DNAH11: variants seen among roughly 807,000 people sequenced by gnomAD.
The protein encoded by DNAH11 is axonemal beta dynein heavy chain 11.
A neutral mutation model predicts 526.0 loss-of-function variants in DNAH11; 442 were observed. The observed-to-expected ratio is 0.84, with a 90% CI of 0.78 to 0.91. The LOEUF (loss-of-function observed/expected upper bound fraction) is 0.91. Among genes scored for constraint, DNAH11 ranks in the 40% least tolerant of loss-of-function variants. DNAH11 has a pLI of 0.00. For missense variants in DNAH11, 6,989 were observed against 5,448.7 expected (o/e 1.28, Z -8.90); for synonymous variants, 2,461 against 1,935.9 (o/e 1.27, Z -7.12).
At chr7:21,814,971 A>G (rs923531102) in intron 63 of DNAH11, among the ~76,000 whole-genome samples, 10 of 152,184 alleles carry the variant, frequency 6.6e-5, no homozygotes, top group Non-Finnish European at 1.5e-4. Context: ...AGTAGTCACT[A>G]TAGTTATGAT....
In DNAH11 at chr7:21,864,539, T is replaced by G. The variant is rs1490793755; in HGVS notation, c.11378T>G (p.Leu3793Trp). ...TFLSQMAFQI[L>W]LRKKEIDPLE... ...TCAATTTTGTCTACTCTCAAGATTTTGTTGAGAAAGAAAGAGATAGACCCT... is the reference window on the plus strand; with the variant it reads ...TCAATTTTGTCTACTCTCAAGATTTGGTTGAGAAAGAAAGAGATAGACCCT... The change falls in exon 70 of 82, where the codon TTG becomes TGG. Residue 3793 changes from leucine to tryptophan, a missense_variant. Coordinates refer to ENST00000409508, the MANE Select transcript of DNAH11 (RefSeq NM_001277115.2). The G allele has an allele frequency of 6.2e-7, 1 of 1,610,954 alleles. No individual in the cohort carries two copies. Among genetic ancestry groups the G allele is most frequent in the Non-Finnish European group, 8.5e-7 (1 of 1,178,688 alleles).
chr7:21,766,647 A>G (rs1787198062), intron 55 of DNAH11, among the ~76,000 whole-genome samples: 1 of 152,018 alleles, frequency 6.6e-6, no homozygotes, highest in East Asian at 1.9e-4. Flanking sequence ...GGTCATATTT[A>G]CATATTTAAT....
chr7:21,826,934 A>C (rs1480501576), intron 65 of DNAH11, among the ~76,000 whole-genome samples: 2 of 152,192 alleles, frequency 1.3e-5, no homozygotes, highest in African/African-American at 2.4e-5. Flanking sequence ...ATGTCTGAGA[A>C]ATGTTTGTGA....
intron 25 of DNAH11, among the ~76,000 whole-genome samples, chr7:21,632,316 C>G (rs189732941): frequency 6.6e-6 from 1 of 152,226 alleles, no homozygotes; most frequent in East Asian, 1.9e-4. Flanking sequence ...TCCCCATTGC[C>G]TTGGAGATTA....
Position 21,869,652 on chromosome 7 carries a change from T to A in DNAH11, c.11967+661T>A, listed in dbSNP as rs1188840405. The stretch of plus-strand genomic sequence containing the variant: ...CTATGGCTCTACCACATTCTCCCAA[T>A]GCACAGGCAGGTCAGAGATTCTCTG... On this transcript the variant is annotated intron_variant, in intron 73 of 81. Coordinates refer to ENST00000409508, the MANE Select transcript of DNAH11 (RefSeq NM_001277115.2). Among the ~76,000 whole-genome samples the A allele has an allele frequency of 3.9e-5, 6 of 152,196 alleles. No individual in the cohort carries two copies. In the East Asian group the frequency reaches 1.2e-3, roughly 29 times the overall value.
At chr7:21,629,050 C>G (rs1384266881) in intron 25 of DNAH11, among the ~76,000 whole-genome samples, 1 of 152,058 alleles carries the variant, frequency 6.6e-6, no homozygotes, top group Non-Finnish European at 1.5e-5. Flanking sequence ...TTGCTCTAAA[C>G]TTTCCTCTTA....
At chr7:21,688,054 C>G (rs1381818876) in intron 34 of DNAH11, among the ~76,000 whole-genome samples, 3 of 152,126 alleles carry the variant, frequency 2.0e-5, no homozygotes, top group African/African-American at 4.8e-5. Context: ...AGAGCAAGAC[C>G]CTTTCTCCAA....
intron 2 of DNAH11, among the ~76,000 whole-genome samples, chr7:21,556,713 C>G (rs1562657985): frequency 6.6e-6 from 1 of 152,078 alleles, no homozygotes; most frequent in African/African-American, 2.4e-5. Flanking sequence ...GTCTGTTGTT[C>G]GTTTCTTTGT....
chr7:21,611,747 A>G (rs1785531084), intron 20 of DNAH11, among the ~76,000 whole-genome samples: 1 of 152,250 alleles, frequency 6.6e-6, no homozygotes, highest in South Asian at 2.1e-4. Flanking sequence ...GCCAGAAGGT[A>G]GTGGATGATG....
chr7:21,676,937 A>G lies in DNAH11; in HGVS notation c.5329-4609A>G, dbSNP rs183381170. Among the ~76,000 whole-genome samples, 491 of 152,274 alleles carry G rather than the reference A, an allele frequency of 3.2e-3. 7 individuals carry two copies. The highest frequency in any genetic ancestry group is 0.011 in the African/African-American group (462 of 41,560). Reference sequence around the variant, plus strand: ...ATGGGTTGTTATTGTACATTAATTCATCTGTTCAGCATACACCCATTGAGC... The same window carrying G: ...ATGGGTTGTTATTGTACATTAATTCGTCTGTTCAGCATACACCCATTGAGC... On this transcript the variant is annotated intron_variant, in intron 30 of 81. Transcript: ENST00000409508.
intron 69 of DNAH11, 38 bp downstream of exon 69, chr7:21,862,061 C>T: frequency 6.4e-7 from 1 of 1,568,580 alleles, no homozygotes; most frequent in East Asian, 2.3e-5. Flanking sequence ...ATCCCCAGAA[C>T]CAAAGGCAGA....
chr7:21,773,675 T>C, intron 55 of DNAH11, 91 bp from the exon 56 acceptor site: 4 of 1,001,434 alleles, frequency 4.0e-6, no homozygotes, highest in South Asian at 2.3e-5. Flanking sequence ...TTCTGACTTT[T>C]AGAAAAAAAA....
intron 66 of DNAH11, among the ~76,000 whole-genome samples, chr7:21,850,408 G>A (rs546446614): frequency 4.6e-5 from 7 of 150,808 alleles, no homozygotes; most frequent in Admixed American, 3.3e-4. Context: ...TTTTTGTTAC[G>A]TTGTTTTTTA....
rs766082181 is a variant in DNAH11 at position 21,900,036 on chromosome 7, A to C, written c.13219A>C (p.Thr4407Pro). 2 of 1,613,970 alleles carry C rather than the reference A, an allele frequency of 1.2e-6. No individual in the cohort carries two copies. Among genetic ancestry groups the C allele is most frequent in the Non-Finnish European group, 8.5e-7 (1 of 1,179,872 alleles). The change falls in exon 81 of 82, where the codon ACT (threonine) becomes CCT (proline). Residue 4407 changes from threonine (T) to proline (P), a missense_variant. Transcript: ENST00000409508. The stretch of plus-strand genomic sequence containing the variant: ...GTGGCCCCTGGATAAAACGCGCTTG[A>C]CTGCTGATGTTACCAAAAAAACAAA... ...NEWPLDKTRL[T>P]ADVTKKTKED...
chr7:21,563,191 T>G (rs1783534400), intron 5 of DNAH11, among the ~76,000 whole-genome samples: 1 of 152,074 alleles, frequency 6.6e-6, no homozygotes, highest in South Asian at 2.1e-4. Context: ...CTATAGCATT[T>G]TTTTGTTTGA....
At chr7:21,795,489 T>A (rs1240344701) in intron 61 of DNAH11, among the ~76,000 whole-genome samples, 1 of 152,270 alleles carries the variant, frequency 6.6e-6, no homozygotes, top group Non-Finnish European at 1.5e-5. Flanking sequence ...ATTTCCTTTC[T>A]GTCTTCCACA....
At chr7:21,686,162 T>A (rs1443051181) in intron 32 of DNAH11, among the ~76,000 whole-genome samples, 1 of 152,236 alleles carries the variant, frequency 6.6e-6, no homozygotes, top group African/African-American at 2.4e-5. Context: ...TGCATAGTAC[T>A]TTCAATTTTT....
At chr7:21,890,594 G>T (rs1042096306) in intron 76 of DNAH11, among the ~76,000 whole-genome samples, 1 of 152,196 alleles carries the variant, frequency 6.6e-6, no homozygotes, top group Admixed American at 6.5e-5. Context: ...TGTTCAGTTG[G>T]GATATGTGGA....
In DNAH11 at chr7:21,720,819, G is replaced by C; in HGVS notation, c.7229G>C (p.Cys2410Ser). 1 of 1,612,986 alleles carries C rather than the reference G, an allele frequency of 6.2e-7. No individual in the cohort carries two copies. The highest frequency in any genetic ancestry group is 8.5e-7 in the Non-Finnish European group (1 of 1,179,466). ...TATGAAGTCTATTTTGTATTTGCTT[G>C]TATCTGGGCTTTTGGAGGCACCCTG... ...EVYEVYFVFA[C>S]IWAFGGTLLQ... The change falls in exon 44 of 82, where the codon TGT becomes TCT. Residue 2410 changes from cysteine to serine, a missense_variant. Transcript: ENST00000409508.
Sources: allele counts gnomAD v4.1 joint callset (sites outside exome capture counted in the v4.1 genomes callset), GRCh38; gene constraint gnomAD v4.1.1; transcripts MANE v1.5; gene names NCBI Gene and HGNC (gene_info 2026-07-23, HGNC 2026-07-21).